CAMKMT: variants seen among roughly 807,000 people sequenced by gnomAD.
CAMKMT encodes CaM KMT.
CAMKMT carries 53 observed loss-of-function variants against 48.0 expected under a neutral mutation model. That is an observed-to-expected ratio of 1.10 (90% CI 0.89 to 1.39). The LOEUF is 1.39. Among genes scored for constraint, CAMKMT ranks in the 40% most tolerant of loss-of-function variants. CAMKMT has a pLI of 0.00. For synonymous variants in CAMKMT, 165 were observed against 152.3 expected (o/e 1.08, Z -0.61); for missense variants, 428 against 402.7 (o/e 1.06, Z -0.54).
In CAMKMT at chr2:44,527,637, T is replaced by G. The variant is rs564348013; in HGVS notation, c.376+137332T>G. Reference sequence around the variant, plus strand: ...AGAGCTTTAAGAAGCAGCAGTGTTCTGATTTTGTGCAACATGTTCATGAGT... The same window carrying G: ...AGAGCTTTAAGAAGCAGCAGTGTTCGGATTTTGTGCAACATGTTCATGAGT... On this transcript the variant is annotated intron_variant, in intron 3 of 10. Transcript: ENST00000378494. Among the ~76,000 whole-genome samples, 68 of 151,844 alleles carry G rather than the reference T, an allele frequency of 4.5e-4. No homozygotes were observed. The East Asian group carries it at 0.011, about 24-fold the overall frequency.
intron 3 of CAMKMT, among the ~76,000 whole-genome samples, chr2:44,661,233 C>T (rs1674662640): frequency 6.6e-6 from 1 of 150,548 alleles, no homozygotes; most frequent in Non-Finnish European, 1.5e-5. Flanking sequence ...TGAGTTAGTA[C>T]AGAAGAATAA....
At chr2:44,535,309 A>C (rs746727079) in intron 3 of CAMKMT, among the ~76,000 whole-genome samples, 10 of 152,148 alleles carry the variant, frequency 6.6e-5, no homozygotes, top group Non-Finnish European at 1.2e-4. Flanking sequence ...TAATTCTACC[A>C]AATGTATAAA....
chr2:44,425,381 A>G (rs1034969890), intron 3 of CAMKMT, among the ~76,000 whole-genome samples: 5 of 152,180 alleles, frequency 3.3e-5, no homozygotes, highest in African/African-American at 1.2e-4. Context: ...GAAGAATATC[A>G]TGGCTAAAAG....
intron 3 of CAMKMT, chr2:44,549,779 G>C: frequency 2.3e-6 from 1 of 443,168 alleles, no homozygotes; most frequent in Non-Finnish European, 4.0e-6. Flanking sequence ...CTCCCTCTTA[G>C]ACTTACATCC....
At chr2:44,500,776 G>A (rs1333967909) in intron 3 of CAMKMT, among the ~76,000 whole-genome samples, 1 of 151,294 alleles carries the variant, frequency 6.6e-6, no homozygotes, top group Admixed American at 6.6e-5. Flanking sequence ...TTGCCTCCTG[G>A]ATTCAAACGA....
intron 3 of CAMKMT, among the ~76,000 whole-genome samples, chr2:44,684,474 A>G (rs1676219056): frequency 6.6e-6 from 1 of 152,100 alleles, no homozygotes. Context: ...ATTTTATCAT[A>G]GCAAAGAGAA....
intron 3 of CAMKMT, among the ~76,000 whole-genome samples, chr2:44,696,501 C>T (rs1676958494): frequency 6.6e-6 from 1 of 152,226 alleles, no homozygotes; most frequent in Middle Eastern, 3.4e-3. Flanking sequence ...GGTGACTGGG[C>T]AACTCTTCTC....
chr2:44,481,732 A>G (rs1453071579), intron 3 of CAMKMT, among the ~76,000 whole-genome samples: 1 of 152,074 alleles, frequency 6.6e-6, no homozygotes, highest in Non-Finnish European at 1.5e-5. Context: ...AATCATTTCG[A>G]TGAATGACAA....
intron 3 of CAMKMT, among the ~76,000 whole-genome samples, chr2:44,407,433 G>T (rs539076190): frequency 2.0e-5 from 3 of 152,248 alleles, no homozygotes; most frequent in African/African-American, 7.2e-5. Flanking sequence ...ATACACTTTT[G>T]CTTTGTATTA....
chr2:44,470,348 T>C (rs568500506), intron 3 of CAMKMT, among the ~76,000 whole-genome samples: 1 of 152,216 alleles, frequency 6.6e-6, no homozygotes, highest in Non-Finnish European at 1.5e-5. Context: ...TACCAGCCAC[T>C]TGTCCTTTGT....
At position 44,490,436 on chromosome 2, in the gene CAMKMT, C is replaced by T. The variant is rs557190922; in HGVS notation, c.376+100131C>T. 3.1e-3 allele frequency among the ~76,000 whole-genome samples: 472 copies of T among 152,110 alleles called. 2 individuals carry two copies. The highest frequency in any genetic ancestry group is 0.011 in the African/African-American group (454 of 41,484). Reference sequence around the variant, plus strand: ...GATTACAGGCATGCGCCACCACACTCGGCTAATTTTGTATTTTTAGTAGAG... The same window carrying T: ...GATTACAGGCATGCGCCACCACACTTGGCTAATTTTGTATTTTTAGTAGAG... On this transcript the variant is annotated intron_variant, in intron 3 of 10. Transcript: ENST00000378494.
intron 3 of CAMKMT, chr2:44,549,463 C>T (rs1457270713): frequency 3.0e-6 from 2 of 670,262 alleles, no homozygotes; most frequent in Non-Finnish European, 5.3e-6. Flanking sequence ...TTTTCCTGTC[C>T]AGTCACTTGC....
At chr2:44,441,276 G>A (rs1666640704) in intron 3 of CAMKMT, among the ~76,000 whole-genome samples, 1 of 151,980 alleles carries the variant, frequency 6.6e-6, no homozygotes, top group South Asian at 2.1e-4. Context: ...TGAGTTTTCA[G>A]GATTAAAAGG....
chr2:44,589,868 C>T (rs10204155), intron 3 of CAMKMT, among the ~76,000 whole-genome samples: 2,330 of 61,444 alleles, frequency 0.038, 250 homozygotes, highest in African/African-American at 0.14. Flanking sequence ...GCGAGAAACA[C>T]CCAAGAATGA....
At chr2:44,768,389 C>G (rs896820131) in intron 10 of CAMKMT, among the ~76,000 whole-genome samples, 18 of 130,780 alleles carry the variant, frequency 1.4e-4, no homozygotes, top group Admixed American at 2.3e-4. Context: ...ATAATGAGAG[C>G]TATTTCAGCT....
At chr2:44,390,048 A>G (rs563023889) in intron 2 of CAMKMT, among the ~76,000 whole-genome samples, 193 bp from the exon 3 acceptor site, 1 of 152,268 alleles carries the variant, frequency 6.6e-6, no homozygotes, top group South Asian at 2.1e-4. Flanking sequence ...TCATTATGTT[A>G]AATATTCTGA....
At chr2:44,683,822 C>CAAAAAAAAAAAAA (rs10644183) in intron 3 of CAMKMT, among the ~76,000 whole-genome samples, 8 of 70,884 alleles carry the variant, frequency 1.1e-4, no homozygotes, top group East Asian at 4.4e-4. Context: ...GACTCTGTCT[C>CAAAAAAAAAAAAA]AAAAAAAAAA....
intron 3 of CAMKMT, among the ~76,000 whole-genome samples, chr2:44,543,781 T>C (rs1395993564): frequency 6.6e-6 from 1 of 152,216 alleles, no homozygotes; most frequent in African/African-American, 2.4e-5. Context: ...TAATCATGTA[T>C]TTTATTTCTC....
chr2:44,651,445 A>C (rs1558771356), intron 3 of CAMKMT, among the ~76,000 whole-genome samples: 1 of 152,206 alleles, frequency 6.6e-6, no homozygotes, highest in Non-Finnish European at 1.5e-5. Context: ...GCACTTTGCT[A>C]GGCCGAGGCG....
Sources: gnomAD v4.1 joint callset for allele counts (sites outside exome capture counted in the v4.1 genomes callset) on GRCh38, gnomAD v4.1.1 for gene constraint, MANE v1.5 for transcripts, NCBI Gene and HGNC (gene_info 2026-07-23, HGNC 2026-07-21) for gene names.